Variants in DYNC1I1 observed in about 807,000 individuals in gnomAD.
The protein encoded by DYNC1I1 is dynein cytoplasmic 1 intermediate chain 1, also known as cytoplasmic dynein 1 intermediate chain 1.
In DYNC1I1, 43 loss-of-function variants were observed where a neutral mutation model predicts 86.6. That is an observed-to-expected ratio of 0.50 (90% CI 0.39 to 0.64). The LOEUF (loss-of-function observed/expected upper bound fraction) is 0.64, where lower values mean the gene tolerates loss of function less well. Ranked by LOEUF, DYNC1I1 falls within the 30% of genes least tolerant of loss-of-function variation. The pLI, the probability that DYNC1I1 is intolerant of heterozygous loss-of-function variation, is 0.00. For synonymous variants in DYNC1I1, 262 were observed against 283.7 expected (o/e 0.92, Z 0.77); for missense variants, 604 against 788.8 (o/e 0.77, Z 2.81).
intron 6 of DYNC1I1, among the ~76,000 whole-genome samples, chr7:95,962,316 G>T (rs1792892240): frequency 1.3e-5 from 2 of 152,092 alleles, no homozygotes; most frequent in South Asian, 4.1e-4. Context: ...ACACAACTTG[G>T]AACCTTATTT....
At chr7:96,075,331 T>C (rs1275613082) in intron 14 of DYNC1I1, among the ~76,000 whole-genome samples, 1 of 151,886 alleles carries the variant, frequency 6.6e-6, no homozygotes, top group Non-Finnish European at 1.5e-5. Context: ...TTTTGGGGGT[T>C]TTGAAAACAC....
At chr7:95,987,503 A>G (rs1180136527) in intron 9 of DYNC1I1, among the ~76,000 whole-genome samples, 1 of 152,108 alleles carries the variant, frequency 6.6e-6, no homozygotes, top group Non-Finnish European at 1.5e-5. Flanking sequence ...CCTTGTGCCT[A>G]TAGAAACATC....
intron 1 of DYNC1I1, among the ~76,000 whole-genome samples, chr7:95,785,857 A>T (rs2115683566): frequency 6.8e-6 from 1 of 146,772 alleles, no homozygotes; most frequent in Middle Eastern, 3.7e-3. Flanking sequence ...TGGAGAGATT[A>T]CTAGGGGTAT....
At chr7:96,077,106 T>A (rs771119712) in intron 15 of DYNC1I1, among the ~76,000 whole-genome samples, 1 of 152,176 alleles carries the variant, frequency 6.6e-6, no homozygotes, top group Non-Finnish European at 1.5e-5. Context: ...GAGGAACAAG[T>A]GCTGCGAACT....
At chr7:96,095,828 GA>G (rs1790986312) in intron 16 of DYNC1I1, among the ~76,000 whole-genome samples, 1 of 151,750 alleles carries the variant, frequency 6.6e-6, no homozygotes, top group South Asian at 2.1e-4. Flanking sequence ...TTCTAAAATT[GA>G]AGAAAAAAAA....
chr7:96,051,550 A>G (rs1212624687), intron 14 of DYNC1I1, among the ~76,000 whole-genome samples: 2 of 152,216 alleles, frequency 1.3e-5, no homozygotes, highest in East Asian at 1.9e-4. Flanking sequence ...TTGACATTGT[A>G]GACATTGTAC....
intron 1 of DYNC1I1, among the ~76,000 whole-genome samples, chr7:95,780,097 G>A (rs376303207): frequency 6.6e-6 from 1 of 152,132 alleles, no homozygotes; most frequent in East Asian, 1.9e-4. Flanking sequence ...CTTCTTTCTG[G>A]TAGAAGGGAC....
At chr7:96,106,561 G>T (rs1347031613) in intron 16 of DYNC1I1, among the ~76,000 whole-genome samples, 1 of 151,930 alleles carries the variant, frequency 6.6e-6, no homozygotes, top group Non-Finnish European at 1.5e-5. Flanking sequence ...AAGAGAGAGA[G>T]AAATCCCTCT....
chr7:96,108,173 T>C (rs1791248154), intron 16 of DYNC1I1, among the ~76,000 whole-genome samples: 1 of 152,142 alleles, frequency 6.6e-6, no homozygotes, highest in South Asian at 2.1e-4. Flanking sequence ...TGTTGTCAAA[T>C]ATCTTTTCTG....
chr7:95,920,115 A>G (rs187669841), intron 6 of DYNC1I1, among the ~76,000 whole-genome samples: 30 of 152,296 alleles, frequency 2.0e-4, no homozygotes, highest in African/African-American at 3.8e-4. Context: ...GAGTAATCCT[A>G]TAGTCGAGGA....
At chr7:96,061,849 A>G (rs894289144) in intron 14 of DYNC1I1, among the ~76,000 whole-genome samples, 1 of 152,112 alleles carries the variant, frequency 6.6e-6, no homozygotes, top group African/African-American at 2.4e-5. Context: ...GTCAAGTTCT[A>G]TGGGTTCCCT....
chr7:96,043,413 A>T (rs1223580067), intron 14 of DYNC1I1, among the ~76,000 whole-genome samples: 1 of 152,110 alleles, frequency 6.6e-6, no homozygotes, highest in African/African-American at 2.4e-5. Flanking sequence ...AACATTAAAT[A>T]ACACCACAGG....
intron 6 of DYNC1I1, among the ~76,000 whole-genome samples, chr7:95,888,605 G>A (rs989692046): frequency 3.9e-5 from 6 of 152,048 alleles, no homozygotes; most frequent in African/African-American, 7.2e-5. Flanking sequence ...TTTTGTATGA[G>A]TATTTTAGCA....
chr7:96,076,164 C>T lies in DYNC1I1; in HGVS notation c.1617C>T (p.Arg539=). 1 of 1,614,208 alleles carries T rather than the reference C, an allele frequency of 6.2e-7. No homozygotes were observed. The highest frequency in any genetic ancestry group is 8.5e-7 in the Non-Finnish European group (1 of 1,180,030). ...TTGCCTGCGTGGACGGGATGGGGCG[C>T]TTGGACCTCTGGAACCTCAACAATG... ...ALFACVDGMG[R]LDLWNLNNDT... is the part of the protein sequence containing the mutation. The change falls in exon 15 of 17, where the codon CGC becomes CGT. Residue 539 remains arginine, a synonymous_variant. Transcript: ENST00000447467.
intron 10 of DYNC1I1, among the ~76,000 whole-genome samples, chr7:96,011,802 A>G (rs1432371278): frequency 6.6e-6 from 1 of 152,196 alleles, no homozygotes; most frequent in Non-Finnish European, 1.5e-5. Context: ...GACACCAGTT[A>G]TATATATGAT....
intron 6 of DYNC1I1, among the ~76,000 whole-genome samples, chr7:95,891,809 T>C (rs1790746818): frequency 6.6e-6 from 1 of 152,166 alleles, no homozygotes; most frequent in Admixed American, 6.5e-5. Context: ...CTATCCTCAC[T>C]CCTCCTTTGG....
rs141824713 is a variant in DYNC1I1, at chr7:96,074,887, C to T, written c.1510-1170C>T. On this transcript the variant is annotated intron_variant, in intron 14 of 16. Coordinates refer to ENST00000447467, the MANE Select transcript of DYNC1I1 (RefSeq NM_001135556.2). ...CTTGATCTTATTACTCTGGCCTGTA[C>T]AGGCATTCAGTGGAACCCATGAAGA... is the stretch of plus-strand genomic sequence containing the variant. Among the ~76,000 whole-genome samples the T allele has an allele frequency of 4.3e-3, 651 of 152,294 alleles. 6 individuals are homozygous for T. The highest frequency in any genetic ancestry group is 0.015 in the African/African-American group (606 of 41,566).
At chr7:95,802,860 A>G (rs1039754623) in intron 1 of DYNC1I1, 1 of 152,102 alleles carries the variant, frequency 6.6e-6, no homozygotes, top group Non-Finnish European at 1.5e-5. Flanking sequence ...CATCTCTTGC[A>G]CTCAATCTGT....
At chr7:95,971,605 C>T (rs544079662) in intron 6 of DYNC1I1, among the ~76,000 whole-genome samples, 1 of 152,238 alleles carries the variant, frequency 6.6e-6, no homozygotes, top group African/African-American at 2.4e-5. Context: ...GTGTCCTTGC[C>T]AGTTTACATC....
Sources: gnomAD v4.1 joint callset for allele counts (sites outside exome capture counted in the v4.1 genomes callset) on GRCh38, gnomAD v4.1.1 for gene constraint, MANE v1.5 for transcripts, NCBI Gene and HGNC (gene_info 2026-07-23, HGNC 2026-07-21) for gene names.